APOB: variants seen among roughly 807,000 people sequenced by gnomAD.
The protein encoded by APOB is apolipoprotein B.
Under a neutral mutation model 314.1 loss-of-function variants are expected in APOB, and 153 were observed. That is an observed-to-expected ratio of 0.49 (90% CI 0.43 to 0.56). APOB has a LOEUF of 0.56. Ranked by LOEUF, APOB falls within the 20% of genes least tolerant of loss-of-function variation. The pLI is 0.00. For missense variants in APOB, 5,430 were observed against 5,350.7 expected, an observed-to-expected ratio of 1.01 and a Z score of -0.46; for synonymous variants, 2,087 against 2,036.4, an observed-to-expected ratio of 1.02 and a Z score of -0.67.
At chr2:21,017,022 CAA>C (rs1452038034) in intron 20 of APOB, among the ~76,000 whole-genome samples, 2 of 129,836 alleles carry the variant, frequency 1.5e-5, no homozygotes, top group African/African-American at 2.8e-5. Flanking sequence ...AATAAACAAA[CAA>C]ATAAATAAAT....
At position 21,003,044 on chromosome 2, in the gene APOB, G is replaced by A. The variant is rs1425740709; in HGVS notation, c.12378C>T (p.Ile4126=). Residue 4126 remains isoleucine, a synonymous_variant, in exon 29 of 29, where the codon ATC becomes ATT. Coordinates refer to ENST00000233242, the MANE Select transcript of APOB (RefSeq NM_000384.3). ...YQGAIRQIDD[I]DVRFQKAASG... ...TGGCTGCTTTCTGGAACCTCACGTC[G>A]ATATCATCAATTTGCCTAATGGCCC... is the stretch of plus-strand genomic sequence containing the variant. 4 of 1,567,940 alleles carry A rather than the reference G, an allele frequency of 2.6e-6. No individual in the cohort carries two copies. Among genetic ancestry groups the A allele is most frequent in the Non-Finnish European group, 3.5e-6 (4 of 1,157,524 alleles).
At position 21,015,089 on chromosome 2, in the gene APOB, C is replaced by T; in HGVS notation, c.3680G>A (p.Gly1227Asp). 1 of 1,614,104 alleles carries T rather than the reference C, an allele frequency of 6.2e-7. No individual in the cohort carries two copies. Among genetic ancestry groups the T allele is most frequent in the South Asian group, 1.1e-5 (1 of 91,082 alleles). ...PQTDMTFRHV[G>D]SKLIVAMSSW... ...CATACTTACAACTATTAATTTGGAA[C>T]CCACGTGCCGGAAAGTCATGTCTGT... The change falls in exon 23 of 29, where the codon GGT becomes GAT. Residue 1227 changes from glycine to aspartate, a missense_variant. Around this residue, in one of 3 missense-constraint regions of APOB, gnomAD observed 2,085 missense variants for 2,079.7 expected, o/e 1.00. Transcript: ENST00000233242.
chr2:21,019,858 G>A lies in APOB; in HGVS notation c.2864C>T (p.Pro955Leu), dbSNP rs763052786. The A allele has an allele frequency of 4.3e-6, 7 of 1,614,030 alleles. No homozygotes were observed. Among genetic ancestry groups the A allele is most frequent in the Non-Finnish European group, 5.9e-6 (7 of 1,180,026 alleles). ...CCAGGACTGCCTGTTCTCAATGAGAGGTGGGATCACCTCCGTTTTGGTGGT... is the reference window on the plus strand; with the variant it reads ...CCAGGACTGCCTGTTCTCAATGAGAAGTGGGATCACCTCCGTTTTGGTGGT... Reference protein sequence around the residue: ...VSTTKTEVIPPLIENRQSWSV... With the variant: ...VSTTKTEVIPLLIENRQSWSV... Residue 955 changes from proline (P) to leucine (L), a missense_variant, in exon 19 of 29, where the codon CCT (proline) becomes CTT (leucine). Coordinates refer to ENST00000233242, the MANE Select transcript of APOB (RefSeq NM_000384.3).
At chr2:21,024,775 G>A in intron 16 of APOB, 158 bp downstream of exon 16, 1 of 777,144 alleles carries the variant, frequency 1.3e-6, no homozygotes, top group Non-Finnish European at 2.3e-6. Flanking sequence ...TGTGATCCAA[G>A]AGTCATCTTC....
chr2:21,012,597 C>G lies in APOB; in HGVS notation c.4271G>C (p.Gly1424Ala). Reference sequence around the variant, plus strand: ...ATCTAGAAATTTGTGGCGTAGAGACCCATCACATGATAGTGTGAACGTATT... The same window carrying G: ...ATCTAGAAATTTGTGGCGTAGAGACGCATCACATGATAGTGTGAACGTATT... The part of the protein sequence containing the change: ...HKNTFTLSCD[G>A]SLRHKFLDSN... The change falls in exon 26 of 29, where the codon GGG becomes GCG. Residue 1424 changes from glycine to alanine, a missense_variant. Gly to Ala is a moderately conservative substitution (Grantham distance 60). Around this residue, in one of 3 missense-constraint regions of APOB, gnomAD observed 2,085 missense variants for 2,079.7 expected, o/e 1.00. Coordinates refer to ENST00000233242, the MANE Select transcript of APOB (RefSeq NM_000384.3). The G allele has an allele frequency of 6.2e-7, 1 of 1,613,214 alleles. No homozygotes were observed. The highest frequency in any genetic ancestry group is 8.5e-7 in the Non-Finnish European group (1 of 1,179,372).
In APOB at chr2:21,028,503, A is replaced by G. The variant is rs1430974052; in HGVS notation, c.1653T>C (p.Asp551=). Reference sequence around the variant, plus strand: ...CCAGTCGCTTATCTCCCGGAGAAGCATCATCAAGGAAAGTCTGAAGAAGAA... The same window carrying G: ...CCAGTCGCTTATCTCCCGGAGAAGCGTCATCAAGGAAAGTCTGAAGAAGAA... ...QEVLLQTFLD[D]ASPGDKRLAA... The change falls in exon 13 of 29, where the codon GAT becomes GAC. Residue 551 remains aspartate, a synonymous_variant. Transcript: ENST00000233242. The G allele has an allele frequency of 6.2e-7, 1 of 1,613,688 alleles. No homozygotes were observed.
Position 21,002,219 on chromosome 2 carries a change from A to G in APOB, c.13203T>C (p.Tyr4401=), listed in dbSNP as rs765647343. 7 of 1,613,894 alleles carry G rather than the reference A, an allele frequency of 4.3e-6. No individual in the cohort carries two copies. The highest frequency in any genetic ancestry group is 5.9e-6 in the Non-Finnish European group (7 of 1,179,976). The change falls in exon 29 of 29, where the codon TAT becomes TAC. Residue 4401 remains tyrosine, a synonymous_variant. Coordinates refer to ENST00000233242, the MANE Select transcript of APOB (RefSeq NM_000384.3). ...PSIVGWTVKY[Y]ELEEKIVSLI... is the part of the protein sequence containing the mutation. ...GACTGACTATCTTTTCTTCAAGTTC[A>G]TAATATTTCACTGTCCAGCCAACTA...
chr2:21,031,577 C>T (rs1000480034), intron 10 of APOB, among the ~76,000 whole-genome samples: 3 of 152,178 alleles, frequency 2.0e-5, no homozygotes, highest in Non-Finnish European at 2.9e-5. Context: ...AACAAAATTA[C>T]ACTTGTTCCA....
chr2:21,012,529 G>T lies in APOB; in HGVS notation c.4339C>A (p.Pro1447Thr). 6.2e-7 allele frequency: 1 copy of T among 1,614,170 alleles called. No individual in the cohort carries two copies. The highest frequency in any genetic ancestry group is 8.5e-7 in the Non-Finnish European group (1 of 1,180,038). ...FSHVEKLGNN[P>T]VSKGLLIFDA... is the part of the protein sequence containing the mutation. ...AATATTAGTAAACCTTTTGAGACTG[G>T]GTTGTTTCCAAGTTTTTCTACATGA... The change falls in exon 26 of 29, where the codon CCA becomes ACA. Residue 1447 changes from proline to threonine, a missense_variant. This residue lies in a region of APOB where 2,085 missense variants were observed against 2,079.7 expected (regional missense o/e 1.00). Coordinates refer to ENST00000233242, the MANE Select transcript of APOB (RefSeq NM_000384.3).
Position 21,007,801 on chromosome 2 carries a change from C to T in APOB, c.9067G>A (p.Ala3023Thr). ...GKAEFTGRHD[A>T]HLNGKVIGTL... Reference sequence around the variant, plus strand: ...CCAATAACCTTTCCATTTAAATGAGCATCATGCCTCCCAGTAAACTCTGCC... The same window carrying T: ...CCAATAACCTTTCCATTTAAATGAGTATCATGCCTCCCAGTAAACTCTGCC... Residue 3023 changes from alanine to threonine, a missense_variant, in exon 26 of 29, where the codon GCT becomes ACT. Physicochemically the swap from Ala to Thr is moderately conservative, Grantham distance 58 (BLOSUM62 0). Around this residue, in one of 3 missense-constraint regions of APOB, gnomAD observed 3,281 missense variants for 3,171.0 expected, o/e 1.03. Transcript: ENST00000233242. 1.2e-6 allele frequency: 2 copies of T among 1,614,094 alleles called. No individual in the cohort carries two copies. The highest frequency in any genetic ancestry group is 8.5e-7 in the Non-Finnish European group (1 of 1,179,960).
At chr2:21,020,601 C>A (rs1282003447) in intron 18 of APOB, among the ~76,000 whole-genome samples, 1 of 152,220 alleles carries the variant, frequency 6.6e-6, no homozygotes, top group Admixed American at 6.5e-5. Flanking sequence ...GACGCTGGAG[C>A]CTCTCACATC....
intron 6 of APOB, 150 bp downstream of exon 6, chr2:21,036,950 C>A: frequency 1.0e-6 from 1 of 982,324 alleles, no homozygotes; most frequent in Non-Finnish European, 1.5e-6. Context: ...GCAGACCTTC[C>A]CGTGCCTGCT....
rs928589329 is a variant in APOB, at chr2:21,020,628, C to A, written c.2817-723G>T. 2.6e-5 allele frequency among the ~76,000 whole-genome samples: 4 copies of A among 152,216 alleles called. No individual in the cohort carries two copies. The East Asian group carries it at 7.7e-4, about 29-fold the overall frequency. On this transcript the variant is annotated intron_variant, in intron 18 of 28. Transcript: ENST00000233242. ...TCTCACATCTGAAGAGATGATGGCA[C>A]CTTCCTTCCAAGTGTGTACTTAAAA... is the stretch of plus-strand genomic sequence containing the variant.
Position 21,012,606 on chromosome 2 carries a change from G to A in APOB, c.4262C>T (p.Ser1421Leu), listed in dbSNP as rs1663357753. ...TYDHKNTFTL[S>L]CDGSLRHKFL... Reference sequence around the variant, plus strand: ...TTTGTGGCGTAGAGACCCATCACATGATAGTGTGAACGTATTCTTGTGGTC... The same window carrying A: ...TTTGTGGCGTAGAGACCCATCACATAATAGTGTGAACGTATTCTTGTGGTC... Residue 1421 changes from serine (S) to leucine (L), a missense_variant, in exon 26 of 29, where the codon TCA becomes TTA. By Grantham distance (145) the Ser-to-Leu change is moderately radical (BLOSUM62 -2). Transcript: ENST00000233242. 1.9e-6 allele frequency: 3 copies of A among 1,610,550 alleles called. No individual in the cohort carries two copies. Among genetic ancestry groups the A allele is most frequent in the Non-Finnish European group, 2.5e-6 (3 of 1,177,130 alleles).
chr2:21,014,565 G>A lies in APOB; in HGVS notation c.3725C>T (p.Ser1242Phe). 6.2e-7 allele frequency: 1 copy of A among 1,614,086 alleles called. No individual in the cohort carries two copies. The highest frequency in any genetic ancestry group is 2.2e-5 in the East Asian group (1 of 44,870). Residue 1242 changes from serine (S) to phenylalanine (F), a missense_variant, in exon 24 of 29, where the codon TCT becomes TTT. By Grantham distance (155) the Ser-to-Phe change is radical (BLOSUM62 -2). Around this residue, in one of 3 missense-constraint regions of APOB, gnomAD observed 2,085 missense variants for 2,079.7 expected, o/e 1.00. Coordinates refer to ENST00000233242, the MANE Select transcript of APOB (RefSeq NM_000384.3). ...AGTCTGGGTATAAGGAAGACTCCCA[G>A]ATGCCTTCTGAAGCCATGAGCTCAT... ...VAMSSWLQKA[S>F]GSLPYTQTLQ...
chr2:21,004,497 G>A, intron 27 of APOB, 45 bp from the exon 28 acceptor site: 1 of 1,613,038 alleles, frequency 6.2e-7, no homozygotes, highest in Non-Finnish European at 8.5e-7. Context: ...GGGGTATGGA[G>A]ATGAAGAAAA....
Position 21,003,117 on chromosome 2 carries a change from G to A in APOB, c.12305C>T (p.Ser4102Leu), listed in dbSNP as rs2103348114. Residue 4102 changes from serine (S) to leucine (L), a missense_variant, in exon 29 of 29, where the codon TCA becomes TTA. Around this residue, in one of 3 missense-constraint regions of APOB, gnomAD observed 3,281 missense variants for 3,171.0 expected, o/e 1.03. Transcript: ENST00000233242. ...HTGLTLREVS[S>L]KLRRNLQNNA... ...GTTCTGCAGATTTCTTCTCAGCTTT[G>A]AAGACACTTCTCTCAGGGTGAGCCC... The A allele has an allele frequency of 3.1e-6, 5 of 1,604,194 alleles. No homozygotes were observed. Among genetic ancestry groups the A allele is most frequent in the Non-Finnish European group, 4.3e-6 (5 of 1,174,068 alleles).
At chr2:21,014,624 TG>T in intron 23 of APOB, 31 bp from the exon 24 acceptor site, 2 of 1,613,464 alleles carry the variant, frequency 1.2e-6, no homozygotes, top group Non-Finnish European at 1.7e-6. Context: ...TTTAAGGTAA[TG>T]GGCTTGGATG....
chr2:21,023,584 A>G lies in APOB; in HGVS notation c.2545T>C (p.Ser849Pro). ...CCGGGAGCAATGACTCCAGATGAAGATATTTGCAACTGTAATCCAGCTCCA... is the reference window on the plus strand; with the variant it reads ...CCGGGAGCAATGACTCCAGATGAAGGTATTTGCAACTGTAATCCAGCTCCA... ...PTGAGLQLQI[S>P]SSGVIAPGAK... is the part of the protein sequence containing the mutation. Residue 849 changes from serine to proline, a missense_variant, in exon 17 of 29, where the codon TCT becomes CCT. Ser to Pro is a moderately conservative substitution (Grantham distance 74). This residue lies in a region of APOB where 2,085 missense variants were observed against 2,079.7 expected (regional missense o/e 1.00). Transcript: ENST00000233242. 6.2e-7 allele frequency: 1 copy of G among 1,614,224 alleles called. No homozygotes were observed. The highest frequency in any genetic ancestry group is 8.5e-7 in the Non-Finnish European group (1 of 1,180,044).
Sources: gnomAD v4.1 joint callset for allele counts (sites outside exome capture counted in the v4.1 genomes callset) on GRCh38, gnomAD v4.1.1 for gene constraint, gnomAD v4.1.1 regional missense constraint, MANE v1.5 for transcripts, NCBI Gene and HGNC (gene_info 2026-07-23, HGNC 2026-07-21) for gene names.